Variants in AKAP6 observed in about 807,000 individuals in gnomAD.
AKAP6 encodes the protein A-kinase anchoring protein 6.
AKAP6 carries 58 observed loss-of-function variants against 188.5 expected under a neutral mutation model. That is an observed-to-expected ratio of 0.31 (90% CI 0.25 to 0.38). The LOEUF is 0.38. Among genes scored for constraint, AKAP6 ranks in the 10% least tolerant of loss-of-function variants. AKAP6 has a pLI of 1.00. For missense variants in AKAP6, 2,710 were observed against 2,740.0 expected (o/e 0.99, Z 0.24); for synonymous variants, 989 against 998.6 (o/e 0.99, Z 0.18).
rs909356200 is a variant in AKAP6 at position 32,837,655 on chromosome 14, T to C, written c.*7850T>C. On this transcript the variant is annotated 3_prime_UTR_variant, in exon 14 of 14. Transcript: ENST00000280979. The stretch of plus-strand genomic sequence containing the variant: ...TAGAAAGCCAAGTTGGTGGAATTTA[T>C]CTTGTCATTAAAATGATGTGAAAAT... The C allele has an allele frequency of 6.6e-6, 1 of 152,242 alleles. No homozygotes were observed. The highest frequency in any genetic ancestry group is 1.5e-5 in the Non-Finnish European group (1 of 68,044). The allele number at this position is 152,242 out of a possible 1,614,324, so 9.4% of individuals were successfully genotyped here. A position where few individuals can be genotyped will look rare whatever the true frequency, so the allele number is the denominator to read the frequency against.
At chr14:32,518,551 C>T (rs1881645729) in intron 2 of AKAP6, among the ~76,000 whole-genome samples, 1 of 152,094 alleles carries the variant, frequency 6.6e-6, no homozygotes, top group Admixed American at 6.6e-5. Flanking sequence ...GACACATGCA[C>T]AAGCTTCAGT....
intron 2 of AKAP6, among the ~76,000 whole-genome samples, chr14:32,513,770 T>G (rs753486097): frequency 6.6e-6 from 1 of 152,208 alleles, no homozygotes. Flanking sequence ...TGCTGCCACC[T>G]AGAGAAAATA....
chr14:32,574,713 C>T (rs1884645911), intron 4 of AKAP6, among the ~76,000 whole-genome samples: 1 of 152,116 alleles, frequency 6.6e-6, no homozygotes, highest in African/African-American at 2.4e-5. Flanking sequence ...ACAGATATAA[C>T]AACACAATTC....
Position 32,822,568 on chromosome 14 carries a change from T to C in AKAP6, c.4755T>C (p.Asn1585=). The change falls in exon 13 of 14, where the codon AAT becomes AAC. Residue 1585 remains asparagine, a synonymous_variant. Coordinates refer to ENST00000280979, the MANE Select transcript of AKAP6 (RefSeq NM_004274.5). ...GDLFGLGIFK[N]GSDSLQRSTS... is the part of the protein sequence containing the mutation. Reference sequence around the variant, plus strand: ...TATTTGGATTGGGCATCTTTAAAAATGGCAGTGACAGCCTCCAGCGAAGCA... The same window carrying C: ...TATTTGGATTGGGCATCTTTAAAAACGGCAGTGACAGCCTCCAGCGAAGCA... 6.2e-7 allele frequency: 1 copy of C among 1,614,012 alleles called. No individual in the cohort carries two copies. Among genetic ancestry groups the C allele is most frequent in the South Asian group, 1.1e-5 (1 of 91,066 alleles).
At chr14:32,696,727 A>G (rs2139699095) in intron 9 of AKAP6, among the ~76,000 whole-genome samples, 1 of 151,960 alleles carries the variant, frequency 6.6e-6, no homozygotes, top group South Asian at 2.1e-4. Flanking sequence ...CCCTTAACCT[A>G]CTGTATTTTA....
intron 7 of AKAP6, among the ~76,000 whole-genome samples, chr14:32,675,210 C>G (rs997640397): frequency 1.6e-4 from 24 of 152,266 alleles, no homozygotes; most frequent in African/African-American, 5.8e-4. Flanking sequence ...ACTTGAATTG[C>G]TCTTCCTATA....
intron 2 of AKAP6, among the ~76,000 whole-genome samples, chr14:32,449,538 A>G (rs997229792): frequency 5.7e-5 from 8 of 141,486 alleles, no homozygotes; most frequent in South Asian, 2.2e-4. Context: ...AAAAAAAAAA[A>G]AAAGAAAAAG....
chr14:32,610,868 A>G (rs953759845), intron 7 of AKAP6, among the ~76,000 whole-genome samples: 8 of 152,222 alleles, frequency 5.3e-5, no homozygotes, highest in Admixed American at 6.5e-5. Context: ...ATACTGAAAA[A>G]GTTTGACCTA....
At chr14:32,412,040 T>G (rs8013938) in intron 1 of AKAP6, among the ~76,000 whole-genome samples, 96,286 of 151,850 alleles carry the variant, frequency 0.63, 32,925 homozygotes, top group Non-Finnish European at 0.76. Flanking sequence ...GAGTCCAGAT[T>G]GAATGCTACC....
At chr14:32,348,090 G>A (rs560730781) in intron 1 of AKAP6, among the ~76,000 whole-genome samples, 1 of 152,218 alleles carries the variant, frequency 6.6e-6, no homozygotes, top group Non-Finnish European at 1.5e-5. Context: ...GAAGTGCTGG[G>A]CAGGTCAAGA....
At chr14:32,795,784 C>A (rs1470702891) in intron 12 of AKAP6, among the ~76,000 whole-genome samples, 1 of 152,104 alleles carries the variant, frequency 6.6e-6, no homozygotes, top group Non-Finnish European at 1.5e-5. Context: ...TTCTGCCCAG[C>A]ACAGTGAGGC....
intron 1 of AKAP6, among the ~76,000 whole-genome samples, chr14:32,360,019 C>T (rs1056244661): frequency 6.6e-5 from 10 of 152,160 alleles, no homozygotes; most frequent in Non-Finnish European, 1.0e-4. Flanking sequence ...AGTTCTACCT[C>T]TTGGAGGGAG....
At position 32,824,271 on chromosome 14, in the gene AKAP6, A is replaced by G; in HGVS notation, c.6458A>G (p.Glu2153Gly). 2 of 1,613,928 alleles carry G rather than the reference A, an allele frequency of 1.2e-6. No homozygotes were observed. Among genetic ancestry groups the G allele is most frequent in the South Asian group, 2.2e-5 (2 of 91,086 alleles). Reference sequence around the variant, plus strand: ...GGCTTAGATGACAAGGAAGATATTGAATGCTTTTTTGAGGCCTGTGTTGAG... The same window carrying G: ...GGCTTAGATGACAAGGAAGATATTGGATGCTTTTTTGAGGCCTGTGTTGAG... ...DSGLDDKEDIECFFEACVEGD... is the reference protein window; with the variant it reads ...DSGLDDKEDIGCFFEACVEGD... The change falls in exon 13 of 14, where the codon GAA (glutamate) becomes GGA (glycine). Residue 2153 changes from glutamate (E) to glycine (G), a missense_variant. Transcript: ENST00000280979.
chr14:32,825,270 G>A (rs540755154), intron 13 of AKAP6, among the ~76,000 whole-genome samples: 1 of 152,082 alleles, frequency 6.6e-6, no homozygotes, highest in Non-Finnish European at 1.5e-5. Context: ...CTCCTGATTT[G>A]GCCCTTCCTT....
chr14:32,409,421 T>C (rs956547511), intron 1 of AKAP6, among the ~76,000 whole-genome samples: 3 of 152,108 alleles, frequency 2.0e-5, no homozygotes, highest in African/African-American at 7.2e-5. Flanking sequence ...TTTTTTCCCC[T>C]TTAAAGGCTA....
At chr14:32,747,976 G>A (rs1165185661) in intron 11 of AKAP6, among the ~76,000 whole-genome samples, 2 of 152,166 alleles carry the variant, frequency 1.3e-5, no homozygotes, top group African/African-American at 4.8e-5. Flanking sequence ...GTCAAGGGCT[G>A]TCATGCTAAT....
intron 1 of AKAP6, among the ~76,000 whole-genome samples, chr14:32,348,784 T>C (rs947684916): frequency 1.3e-5 from 2 of 152,134 alleles, no homozygotes; most frequent in African/African-American, 4.8e-5. Context: ...ACCAGGGTGC[T>C]TTTTCCACAT....
chr14:32,433,245 C>A, intron 1 of AKAP6: 1 of 440,938 alleles, frequency 2.3e-6, no homozygotes, highest in Non-Finnish European at 4.1e-6. Flanking sequence ...GGAGAGTAGT[C>A]AATATCACAG....
rs370267616 is a variant in AKAP6 at position 32,540,204 on chromosome 14, T to A, written c.576+4399T>A. On this transcript the variant is annotated intron_variant, in intron 3 of 13. Coordinates refer to ENST00000280979, the MANE Select transcript of AKAP6 (RefSeq NM_004274.5). The stretch of plus-strand genomic sequence containing the variant: ...TATATATATATATATTTTAATTTTT[T>A]ATTTTTTTTTTTGAGAACAAGTCTC... Among the ~76,000 whole-genome samples, 146 of 140,686 alleles carry A rather than the reference T, an allele frequency of 1.0e-3. 3 individuals are homozygous for A. In the East Asian group the frequency reaches 0.022, roughly 21 times the overall value. The allele number at this position is 140,686 out of a possible 152,430, so 92.3% of individuals were successfully genotyped here.
Sources: gnomAD v4.1 joint callset for allele counts (sites outside exome capture counted in the v4.1 genomes callset) on GRCh38, gnomAD v4.1.1 for gene constraint, MANE v1.5 for transcripts, NCBI Gene and HGNC (gene_info 2026-07-23, HGNC 2026-07-21) for gene names.